The following TLN2 variants were observed in gnomAD, a reference collection of about 807,000 sequenced individuals.
The protein encoded by TLN2 is talin 2, also known as talin-2.
A neutral mutation model predicts 294.7 loss-of-function variants in TLN2; 118 were observed. The ratio of observed to expected loss-of-function variants is 0.40; its 90% CI spans 0.34 to 0.47. The LOEUF is 0.47. TLN2 is among the 20% of genes least tolerant of loss of function. TLN2 has a pLI of 0.84. For missense variants in TLN2, 3,083 were observed against 3,282.2 expected (o/e 0.94, Z 1.48); for synonymous variants, 1,431 against 1,304.5 (o/e 1.10, Z -2.09).
At chr15:62,583,779 C>T (rs2045349004) in intron 1 of TLN2, among the ~76,000 whole-genome samples, 3 of 152,138 alleles carry the variant, frequency 2.0e-5, no homozygotes, top group Non-Finnish European at 4.4e-5. Flanking sequence ...TTCCTGTTCT[C>T]ATGGAGTTTG....
rs1053404550 is a variant in TLN2, at chr15:62,744,939, G to A, written c.4026-3412G>A. On this transcript the variant is annotated intron_variant, in intron 32 of 58. Transcript: ENST00000636159. ...TTTGCTCTTTCCTCCTTTCCCAGGCGCCTCTTCCCTGGAGGCAGGCAGACA... is the reference window on the plus strand; with the variant it reads ...TTTGCTCTTTCCTCCTTTCCCAGGCACCTCTTCCCTGGAGGCAGGCAGACA... Among the ~76,000 whole-genome samples, 5 of 152,244 alleles carry A rather than the reference G, an allele frequency of 3.3e-5. No individual in the cohort carries two copies. In the South Asian group the frequency reaches 6.2e-4, roughly 19 times the overall value.
chr15:62,819,732 C>A (rs1196993175), intron 53 of TLN2, 111 bp downstream of exon 53: 3 of 895,352 alleles, frequency 3.4e-6, no homozygotes, highest in East Asian at 2.6e-5. Context: ...CTGGCAGATG[C>A]AGCCAGGAAT....
Position 62,840,786 on chromosome 15 carries a change from G to A in TLN2, c.*176G>A. 1 of 836,350 alleles carries A rather than the reference G, an allele frequency of 1.2e-6. No homozygotes were observed. Among genetic ancestry groups the A allele is most frequent in the East Asian group, 2.7e-5 (1 of 36,610 alleles). The allele number at this position is 836,350 out of a possible 1,614,324, so 51.8% of individuals were successfully genotyped here. A position where few individuals can be genotyped will look rare whatever the true frequency, so the allele number is the denominator to read the frequency against. ...CCGTCGGCACTGGCTGCATGATCGT[G>A]ATGTCACACGGTACAATGTCCTACC... is the stretch of plus-strand genomic sequence containing the variant. On this transcript the variant is annotated 3_prime_UTR_variant, in exon 59 of 59. Transcript: ENST00000636159.
intron 33 of TLN2, among the ~76,000 whole-genome samples, chr15:62,749,136 T>C (rs934135009): frequency 6.6e-6 from 1 of 152,242 alleles, no homozygotes; most frequent in Non-Finnish European, 1.5e-5. Context: ...AGATGTGGGT[T>C]GGTTGTCCCA....
intron 54 of TLN2, among the ~76,000 whole-genome samples, chr15:62,826,638 A>G (rs12595365): frequency 0.69 from 104,515 of 151,954 alleles, 37,961 homozygotes; most frequent in Non-Finnish European, 0.82. Flanking sequence ...GGGGCTTTGC[A>G]TACAGGCTAA....
intron 3 of TLN2, chr15:62,640,389 G>A: frequency 2.2e-6 from 1 of 456,002 alleles, no homozygotes; most frequent in South Asian, 1.5e-5. Flanking sequence ...GAGGGGGACG[G>A]TGGCCAGCTC....
chr15:62,635,903 T>C (rs2050329903), intron 3 of TLN2, among the ~76,000 whole-genome samples: 1 of 152,126 alleles, frequency 6.6e-6, no homozygotes, highest in South Asian at 2.1e-4. Flanking sequence ...TCCCTTCCAT[T>C]TTAAACAGCA....
At chr15:62,826,317 A>AATC (rs1317879412) in intron 54 of TLN2, among the ~76,000 whole-genome samples, 1 of 152,220 alleles carries the variant, frequency 6.6e-6, no homozygotes, top group African/African-American at 2.4e-5. Flanking sequence ...CCAAGATACT[A>AATC]ATCATGCAGG....
chr15:62,443,563 T>G (rs537388878), intron 1 of TLN2, among the ~76,000 whole-genome samples: 35 of 152,326 alleles, frequency 2.3e-4, no homozygotes, highest in South Asian at 1.4e-3. Context: ...CAACGTCTAT[T>G]AAAATTCCTG....
intron 24 of TLN2, 80 bp downstream of exon 24, chr15:62,717,769 C>T (rs550280019): frequency 1.0e-6 from 1 of 994,662 alleles, no homozygotes; most frequent in East Asian, 3.0e-5. Context: ...CCTGGTAGTT[C>T]AGTAAAGACA....
Position 62,753,892 on chromosome 15 carries a change from G to A in TLN2, c.4452G>A (p.Val1484=), listed in dbSNP as rs1223447291. Residue 1484 remains valine, a synonymous_variant, in exon 36 of 59, where the codon GTG becomes GTA. Transcript: ENST00000636159. ...TCCAGATGGCATGCCAGAACTTGGTGGACCCTGGCAGCAGCCCATCACAGG... is the reference window on the plus strand; with the variant it reads ...TCCAGATGGCATGCCAGAACTTGGTAGACCCTGGCAGCAGCCCATCACAGG... ...QAIQMACQNL[V]DPGSSPSQVL... The A allele has an allele frequency of 6.2e-7, 1 of 1,607,594 alleles. No homozygotes were observed. Among genetic ancestry groups the A allele is most frequent in the African/African-American group, 1.3e-5 (1 of 74,798 alleles).
chr15:62,455,375 G>A (rs11638937), intron 1 of TLN2, among the ~76,000 whole-genome samples: 54,682 of 151,994 alleles, frequency 0.36, 10,573 homozygotes, highest in Non-Finnish European at 0.43. Context: ...GGGAGAGGGT[G>A]TTCGGGATGG....
At chr15:62,834,012 G>T (rs549250633) in intron 55 of TLN2, 1 of 159,230 alleles carries the variant, frequency 6.3e-6, no homozygotes, top group African/African-American at 2.4e-5. Context: ...AGCTCCAAAG[G>T]GTTCCGTTTG....
intron 34 of TLN2, among the ~76,000 whole-genome samples, chr15:62,751,970 G>C (rs1355231441): frequency 6.6e-6 from 1 of 152,130 alleles, no homozygotes; most frequent in Admixed American, 6.5e-5. Context: ...CCTACAGCTC[G>C]ATGCATATGA....
At chr15:62,391,477 C>T (rs2032080372) in intron 1 of TLN2, among the ~76,000 whole-genome samples, 1 of 152,206 alleles carries the variant, frequency 6.6e-6, no homozygotes, top group African/African-American at 2.4e-5. Context: ...GACCTGGAGA[C>T]GAGTATTTCG....
chr15:62,501,166 G>C (rs2039284942), intron 1 of TLN2, among the ~76,000 whole-genome samples: 1 of 152,192 alleles, frequency 6.6e-6, no homozygotes, highest in South Asian at 2.1e-4. Flanking sequence ...GGACAGGTAA[G>C]CCTCCCTCTG....
At chr15:62,447,937 C>T (rs113856289) in intron 1 of TLN2, among the ~76,000 whole-genome samples, 11 of 152,296 alleles carry the variant, frequency 7.2e-5, no homozygotes, top group Non-Finnish European at 8.8e-5. Flanking sequence ...ATGAGGTGCT[C>T]GTGACACCAG....
chr15:62,578,708 G>A (rs564286991), intron 1 of TLN2, among the ~76,000 whole-genome samples: 2 of 152,158 alleles, frequency 1.3e-5, no homozygotes, highest in African/African-American at 2.4e-5. Flanking sequence ...CATGTGGGGA[G>A]GGGGGTAAAG....
Position 62,727,201 on chromosome 15 carries a change from G to A in TLN2, c.3358+12G>A, listed in dbSNP as rs776431362. Reference sequence around the variant, plus strand: ...CGAACACTACACAGGTGAGACCCACGCCCTTCATGCCACTGTGGCCAGCTT... The same window carrying A: ...CGAACACTACACAGGTGAGACCCACACCCTTCATGCCACTGTGGCCAGCTT... On this transcript the variant is annotated intron_variant, in intron 28 of 58. Transcript: ENST00000636159. 1.2e-6 allele frequency: 2 copies of A among 1,607,390 alleles called. No individual in the cohort carries two copies. Among genetic ancestry groups the A allele is most frequent in the South Asian group, 2.2e-5 (2 of 90,024 alleles).
Sources: allele counts gnomAD v4.1 joint callset (sites outside exome capture counted in the v4.1 genomes callset), GRCh38; gene constraint gnomAD v4.1.1; transcripts MANE v1.5; gene names NCBI Gene and HGNC (gene_info 2026-07-23, HGNC 2026-07-21).